RHCG: variants seen among roughly 807,000 people sequenced by gnomAD.
RHCG encodes the protein Rh family C glycoprotein.
In RHCG, 39 loss-of-function variants were observed where a neutral mutation model predicts 55.3. The observed-to-expected ratio is 0.70, with a 90% CI of 0.55 to 0.92. The LOEUF is 0.92. Ranked by LOEUF, RHCG falls within the 40% of genes least tolerant of loss-of-function variation. The pLI, the probability that RHCG is intolerant of heterozygous loss-of-function variation, is 0.00. For synonymous variants in RHCG, 250 were observed against 246.8 expected (o/e 1.01, Z -0.12); for missense variants, 635 against 627.9 (o/e 1.01, Z -0.12).
chr15:89,486,942 G>A lies in RHCG; in HGVS notation c.228C>T (p.Phe76=), dbSNP rs767401258. The A allele has an allele frequency of 3.1e-6, 5 of 1,609,680 alleles. No homozygotes were observed. The Admixed American group carries it at 5.0e-5, about 16-fold the overall frequency. The change falls in exon 2 of 11, where the codon TTC becomes TTT. Residue 76 remains phenylalanine, a synonymous_variant. Coordinates refer to ENST00000268122, the MANE Select transcript of RHCG (RefSeq NM_016321.3). ...CGTAGCGCTGCAGGAAAGTCATGAGGAAGCCGAAGCCCACGAAGACCATCA... is the reference window on the plus strand; with the variant it reads ...CGTAGCGCTGCAGGAAAGTCATGAGAAAGCCGAAGCCCACGAAGACCATCA... ...VHVMVFVGFG[F]LMTFLQRYGF...
chr15:89,492,900 G>T (rs1208418132), intron 1 of RHCG, among the ~76,000 whole-genome samples: 1 of 152,148 alleles, frequency 6.6e-6, no homozygotes, highest in African/African-American at 2.4e-5. Context: ...CTCCCTTTAT[G>T]CCAGGAGATG....
Position 89,480,382 on chromosome 15 carries a change from G to A in RHCG, c.549C>T (p.Thr183=), listed in dbSNP as rs1961244704. The A allele has an allele frequency of 6.2e-7, 1 of 1,613,978 alleles. No homozygotes were observed. Among genetic ancestry groups the A allele is most frequent in the African/African-American group, 1.3e-5 (1 of 74,932 alleles). ...CAAAGTAGGCGCCAAATGTGTGGAT[G>A]GTCATGGAGCCTCCTGCATCCTTCA... is the stretch of plus-strand genomic sequence containing the variant. The part of the protein sequence containing the change: ...LKVKDAGGSM[T]IHTFGAYFGL... The change falls in exon 4 of 11, where the codon ACC becomes ACT. Residue 183 remains threonine, a synonymous_variant. Transcript: ENST00000268122.
At position 89,479,310 on chromosome 15, in the gene RHCG, C is replaced by T; in HGVS notation, c.837+12G>A. On this transcript the variant is annotated intron_variant, in intron 5 of 10. Transcript: ENST00000268122. ...GCAGTCAGAGCCACACCCCCAACGC[C>T]CTCATGCTCACCATGTCCAGCTTGC... The T allele has an allele frequency of 1.9e-6, 3 of 1,610,130 alleles. No homozygotes were observed. Among genetic ancestry groups the T allele is most frequent in the Non-Finnish European group, 2.5e-6 (3 of 1,178,044 alleles).
Position 89,486,844 on chromosome 15 carries a change from C to A in RHCG, c.326G>T (p.Trp109Leu). Residue 109 changes from tryptophan to leucine, a missense_variant, in exon 2 of 11, where the codon TGG becomes TTG. Transcript: ENST00000268122. ...GTAGCGGTCTTGTAAGAAGTGGAAC[C>A]AGCCCTGCATGAGCAGCGCCCACTG... ...GIQWALLMQG[W>L]FHFLQDRYIV... is the part of the protein sequence containing the mutation. The A allele has an allele frequency of 6.2e-7, 1 of 1,609,300 alleles. No individual in the cohort carries two copies. Among genetic ancestry groups the A allele is most frequent in the Non-Finnish European group, 8.5e-7 (1 of 1,176,294 alleles).
rs1299432047 is a variant in RHCG at position 89,472,864 on chromosome 15, C to G, written c.1312-1G>C. 1 of 1,453,704 alleles carries G rather than the reference C, an allele frequency of 6.9e-7. No individual in the cohort carries two copies. The highest frequency in any genetic ancestry group is 9.2e-7 in the Non-Finnish European group (1 of 1,092,764). 90.1% of individuals were successfully genotyped at this position (1,453,704 alleles called of 1,614,324 possible). ...AGACAGTGCTGTTCCCTTCAGGCAT[C>G]TACAGAGAGAGGATGCAACTCTGAG... is the stretch of plus-strand genomic sequence containing the variant. On this transcript the variant is annotated splice_acceptor_variant, in intron 9 of 10. Transcript: ENST00000268122. LOFTEE classifies it high-confidence loss of function.
At chr15:89,476,006 G>T (rs1216220312) in intron 9 of RHCG, among the ~76,000 whole-genome samples, 2 of 137,828 alleles carry the variant, frequency 1.5e-5, no homozygotes, top group African/African-American at 3.4e-5. Context: ...TCTCTCTCTT[G>T]CTCTCGCTCT....
Position 89,488,787 on chromosome 15 carries a change from T to C in RHCG, c.185-1802A>G, listed in dbSNP as rs376782429. Among the ~76,000 whole-genome samples, 1,199 of 141,028 alleles carry C rather than the reference T, an allele frequency of 8.5e-3. 16 individuals carry two copies. The highest frequency in any genetic ancestry group is 0.03 in the African/African-American group (1,119 of 37,046). The allele number at this position is 141,028 out of a possible 152,430, so 92.5% of individuals were successfully genotyped here. On this transcript the variant is annotated intron_variant, in intron 1 of 10. Transcript: ENST00000268122. ...GGCTGGGAGAATGGGGGGGGGGGAG[T>C]GCTATAATGGTCATTATTGGGTCCA...
Position 89,479,381 on chromosome 15 carries a change from A to G in RHCG, c.778T>C (p.Cys260Arg). Residue 260 changes from cysteine to arginine, a missense_variant, in exon 5 of 11, where the codon TGC (cysteine) becomes CGC (arginine). By Grantham distance (180) the Cys-to-Arg change is radical (BLOSUM62 -3). Coordinates refer to ENST00000268122, the MANE Select transcript of RHCG (RefSeq NM_016321.3). ...AINTYCSLAA[C>R]VLTSVAISSA... is the part of the protein sequence containing the mutation. ...GATATTGCCACCGAGGTAAGCACGC[A>G]GGCTGCCAAGGAGCAGTAGGTGTTG... 1 of 1,614,184 alleles carries G rather than the reference A, an allele frequency of 6.2e-7. No homozygotes were observed. Among genetic ancestry groups the G allele is most frequent in the South Asian group, 1.1e-5 (1 of 91,086 alleles).
rs749248156 is a variant in RHCG at position 89,483,181 on chromosome 15, G to A, written c.408C>T (p.Cys136=). 3 of 1,589,330 alleles carry A rather than the reference G, an allele frequency of 1.9e-6. No individual in the cohort carries two copies. The highest frequency in any genetic ancestry group is 2.2e-5 in the South Asian group (2 of 89,744). The change falls in exon 3 of 11, where the codon TGC becomes TGT. Residue 136 remains cysteine (C), a synonymous_variant. Coordinates refer to ENST00000268122, the MANE Select transcript of RHCG (RefSeq NM_016321.3). ...INADFCVASV[C]VAFGAVLGKV... is the part of the protein sequence containing the mutation. Reference sequence around the variant, plus strand: ...TACCCAGAACTGCCCCAAAGGCCACGCAGACAGAGGCCACGCAGAAGTCAG... The same window carrying A: ...TACCCAGAACTGCCCCAAAGGCCACACAGACAGAGGCCACGCAGAAGTCAG...
At chr15:89,472,034 A>G (rs543457528) in intron 10 of RHCG, among the ~76,000 whole-genome samples, 179 bp from the exon 11 acceptor site, 71 of 152,296 alleles carry the variant, frequency 4.7e-4, no homozygotes, top group African/African-American at 1.7e-3. Context: ...AGACCCAGCT[A>G]TTGCCAAGCT....
At chr15:89,487,175 G>T (rs536503723) in intron 1 of RHCG, among the ~76,000 whole-genome samples, 190 bp from the exon 2 acceptor site, 5 of 152,324 alleles carry the variant, frequency 3.3e-5, no homozygotes, top group African/African-American at 9.6e-5. Context: ...GCAAGGTAAC[G>T]CTGCGGGCAG....
intron 3 of RHCG, 37 bp downstream of exon 3, chr15:89,483,030 C>A: frequency 6.6e-7 from 1 of 1,523,650 alleles, no homozygotes; most frequent in Non-Finnish European, 9.0e-7. Context: ...CCCCAAAGCA[C>A]CCCCACCACC....
chr15:89,483,321 T>A, intron 2 of RHCG, 104 bp from the exon 3 acceptor site: 4 of 1,093,714 alleles, frequency 3.7e-6, no homozygotes, highest in Non-Finnish European at 5.0e-6. Context: ...GGCTTAACCT[T>A]TCTGAGCTTC....
Position 89,496,497 on chromosome 15 carries a change from C to T in RHCG, c.48G>A (p.Leu16=), listed in dbSNP as rs762497499. 6.2e-7 allele frequency: 1 copy of T among 1,613,600 alleles called. No homozygotes were observed. The highest frequency in any genetic ancestry group is 1.7e-5 in the Admixed American group (1 of 60,026). Residue 16 remains leucine (L), a synonymous_variant, in exon 1 of 11, where the codon CTG becomes CTA. Transcript: ENST00000268122. ...NLRWRLPLTC[L]LLQVIMVILF... is the part of the protein sequence containing the mutation. ...GAATCACCATAATCACCTGCAGGAG[C>T]AGGCAGGTGAGCGGCAGCCGCCAGC...
chr15:89,494,299 A>T (rs1961527707), intron 1 of RHCG, among the ~76,000 whole-genome samples: 2 of 152,122 alleles, frequency 1.3e-5, no homozygotes. Context: ...TGCTTCCAAA[A>T]AGTCTGGGGA....
Position 89,496,521 on chromosome 15 carries a change from G to C in RHCG, c.24C>G (p.Arg8=), listed in dbSNP as rs1961571802. 1.2e-6 allele frequency: 2 copies of C among 1,612,796 alleles called. No homozygotes were observed. Among genetic ancestry groups the C allele is most frequent in the South Asian group, 2.2e-5 (2 of 91,084 alleles). The part of the protein sequence containing the change: MAWNTNL[R]WRLPLTCLLL... ...GCAGGCAGGTGAGCGGCAGCCGCCA[G>C]CGGAGGTTGGTGTTCCAGGCCATGC... is the stretch of plus-strand genomic sequence containing the variant. The change falls in exon 1 of 11, where the codon CGC becomes CGG. Residue 8 remains arginine, a synonymous_variant. Coordinates refer to ENST00000268122, the MANE Select transcript of RHCG (RefSeq NM_016321.3).
Position 89,472,836 on chromosome 15 carries a change from T to C in RHCG, c.1339A>G (p.Ile447Val), listed in dbSNP as rs901841649. 6 of 1,539,406 alleles carry C rather than the reference T, an allele frequency of 3.9e-6. No homozygotes were observed. In the African/African-American group the frequency reaches 6.9e-5, roughly 18 times the overall value. Residue 447 changes from isoleucine to valine, a missense_variant, in exon 10 of 11, where the codon ATC becomes GTC. Transcript: ENST00000268122. ...EMPEGNSTVY[I>V]PEDPTFKPSG... is the part of the protein sequence containing the mutation. ...GGCTTGAAGGTGGGGTCCTCAGGGA[T>C]GTAGACAGTGCTGTTCCCTTCAGGC...
chr15:89,477,285 CG>C lies in RHCG; in HGVS notation c.1113-80del, dbSNP rs1344179453. On this transcript the variant is annotated intron_variant, in intron 7 of 10. Coordinates refer to ENST00000268122, the MANE Select transcript of RHCG (RefSeq NM_016321.3). The surrounding 1 kb of genome is among the most constrained non-coding windows in gnomAD (Gnocchi z 4.5). Reference sequence around the variant, plus strand: ...CTTGCTGCCACCCCAAAAATGTGACCGGGTACCACGGGCCTCAGCCTTCCCA... The same window carrying C: ...CTTGCTGCCACCCCAAAAATGTGACCGGTACCACGGGCCTCAGCCTTCCCA... 5 of 1,569,812 alleles carry C rather than the reference CG, an allele frequency of 3.2e-6. No homozygotes were observed. Among genetic ancestry groups the C allele is most frequent in the Non-Finnish European group, 4.4e-6 (5 of 1,148,478 alleles).
At chr15:89,485,978 T>G (rs111293763) in intron 2 of RHCG, among the ~76,000 whole-genome samples, 1,572 of 152,282 alleles carry the variant, frequency 0.01, 34 homozygotes, top group African/African-American at 0.036. Context: ...GTTGGTGGTG[T>G]TGTGGGTTGG....
Sources: allele counts gnomAD v4.1 joint callset (sites outside exome capture counted in the v4.1 genomes callset), GRCh38; gene constraint gnomAD v4.1.1; non-coding constraint Gnocchi (gnomAD v3.1); transcripts MANE v1.5; gene names NCBI Gene and HGNC (gene_info 2026-07-23, HGNC 2026-07-21).